BAG2: variants seen among roughly 807,000 people sequenced by gnomAD.
BAG2 encodes BAG family molecular chaperone regulator 2.
Under a neutral mutation model 16.4 loss-of-function variants are expected in BAG2, and 8 were observed. The ratio of observed to expected loss-of-function variants is 0.49; its 90% CI spans 0.29 to 0.88. The LOEUF is 0.88. BAG2 is among the 40% of genes least tolerant of loss of function. The pLI is 0.09. For synonymous variants in BAG2, 82 were observed against 89.2 expected (o/e 0.92, Z 0.46); for missense variants, 218 against 248.9 (o/e 0.88, Z 0.84).
rs565186059 is a variant in BAG2 at position 57,188,507 on chromosome 6, A to T, written c.*4317A>T. ...AGAACTAACTAGAACACATATAACA[A>T]GTGATTTTTCTGCCAATAAAGACAA... On this transcript the variant is annotated 3_prime_UTR_variant, in exon 3 of 3. Transcript: ENST00000370693. 6.6e-6 allele frequency: 1 copy of T among 152,270 alleles called. No individual in the cohort carries two copies. The highest frequency in any genetic ancestry group is 2.1e-4 in the South Asian group (1 of 4,826). 9.4% of individuals were successfully genotyped at this position (152,270 alleles called of 1,614,324 possible). A position where few individuals can be genotyped will look rare whatever the true frequency, so the allele number is the denominator to read the frequency against.
rs762251944 is a variant in BAG2 at position 57,184,002 on chromosome 6, C to CA, written c.448_449insA (p.Pro150HisfsTer3). On this transcript the variant is annotated frameshift_variant, in exon 3 of 3. Transcript: ENST00000370693. LOFTEE classifies it high-confidence loss of function. ...ATGTTCATCTGAGGTGCCACATGGG[C>CA]CAGTTGATCAGAAGTTTCAATCCAT... 9 of 1,612,298 alleles carry CA rather than the reference C, an allele frequency of 5.6e-6. No individual in the cohort carries two copies.
chr6:57,183,519 T>C (rs1473310856), intron 2 of BAG2, among the ~76,000 whole-genome samples: 1 of 152,204 alleles, frequency 6.6e-6, no homozygotes, highest in Admixed American at 6.5e-5. Context: ...TACAAATGCA[T>C]ACCTACCCAA....
chr6:57,172,600 C>T lies in BAG2; in HGVS notation c.-98C>T, dbSNP rs1764152234. 4 of 1,058,420 alleles carry T rather than the reference C, an allele frequency of 3.8e-6. No homozygotes were observed. The Admixed American group carries it at 1.2e-4, about 32-fold the overall frequency. The allele number at this position is 1,058,420 out of a possible 1,614,324, so 65.6% of individuals were successfully genotyped here. ...CGGGCGTCAGAGGGAGGGCGGGCGC[C>T]CGCGTGGTGACGGCGACGCCTGCAG... On this transcript the variant is annotated 5_prime_UTR_variant, in exon 1 of 3. Coordinates refer to ENST00000370693, the MANE Select transcript of BAG2 (RefSeq NM_004282.4).
intron 1 of BAG2, among the ~76,000 whole-genome samples, chr6:57,181,498 C>T (rs565007438): frequency 6.6e-6 from 1 of 152,134 alleles, no homozygotes; most frequent in East Asian, 1.9e-4. Context: ...TTGAGACCAG[C>T]CTGGCCAACA....
chr6:57,176,153 A>C (rs147638492), intron 1 of BAG2, among the ~76,000 whole-genome samples: 48 of 152,308 alleles, frequency 3.2e-4, no homozygotes, highest in African/African-American at 1.2e-3. Flanking sequence ...GCTAATGTTT[A>C]TTCATTTAAT....
intron 1 of BAG2, among the ~76,000 whole-genome samples, chr6:57,177,514 TAATA>T (rs373106236): frequency 2.6e-5 from 4 of 152,222 alleles, no homozygotes; most frequent in Non-Finnish European, 4.4e-5. Context: ...TTTTCATCAT[TAATA>T]AATAAGCCCA....
chr6:57,180,287 C>A (rs1391094772), intron 1 of BAG2, among the ~76,000 whole-genome samples: 2 of 152,088 alleles, frequency 1.3e-5, no homozygotes, highest in Non-Finnish European at 2.9e-5. Context: ...TGTCTAATTT[C>A]TCTTGTTTTT....
chr6:57,172,851 C>T, intron 1 of BAG2, 41 bp downstream of exon 1: 1 of 1,409,896 alleles, frequency 7.1e-7, no homozygotes, highest in Non-Finnish European at 9.3e-7. Context: ...CTGCTCGCCG[C>T]GCGGGCGGTT....
Position 57,182,013 on chromosome 6 carries a change from G to A in BAG2, c.114-19G>A. 1.2e-6 allele frequency: 2 copies of A among 1,607,928 alleles called. No individual in the cohort carries two copies. The highest frequency in any genetic ancestry group is 1.7e-6 in the Non-Finnish European group (2 of 1,175,592). ...ACATCCTGCATACAATAACCGTTTT[G>A]TTTTCCCAATTTCTATAGGGTTGAA... On this transcript the variant is annotated intron_variant, in intron 1 of 2. Transcript: ENST00000370693.
rs1268411514 is a variant in BAG2, at chr6:57,187,370, C to A, written c.*3180C>A. 6.6e-6 allele frequency: 1 copy of A among 152,108 alleles called. No homozygotes were observed. Among genetic ancestry groups the A allele is most frequent in the East Asian group, 1.9e-4 (1 of 5,184 alleles). 9.4% of individuals were successfully genotyped at this position (152,108 alleles called of 1,614,324 possible). ...TAAATATTTTGTTAGCAAATGAATT[C>A]ATCTGTATGATGAGAGACTTACATG... On this transcript the variant is annotated 3_prime_UTR_variant, in exon 3 of 3. Transcript: ENST00000370693.
intron 1 of BAG2, chr6:57,173,148 A>AC (rs533721747): frequency 6.7e-4 from 677 of 1,016,362 alleles, no homozygotes; most frequent in Non-Finnish European, 7.6e-4. Flanking sequence ...GCGATTAAGG[A>AC]CTGTGGCAGC....
At chr6:57,183,552 G>T (rs1286996535) in intron 2 of BAG2, among the ~76,000 whole-genome samples, 1 of 152,156 alleles carries the variant, frequency 6.6e-6, no homozygotes, top group Non-Finnish European at 1.5e-5. Context: ...ATGCCAATTT[G>T]AGAAGTCATC....
In BAG2 at chr6:57,183,866, CCAG is replaced by C; in HGVS notation, c.318_320del (p.Gln107del). On this transcript the variant is annotated inframe_deletion, in exon 3 of 3. Coordinates refer to ENST00000370693, the MANE Select transcript of BAG2 (RefSeq NM_004282.4). ...TGTCAGTAGAAACAATTAGAAACCC[CCAG>C]CAGCAAGAATCCCTAAAGCATGCCA... 6.2e-7 allele frequency: 1 copy of C among 1,613,988 alleles called. No individual in the cohort carries two copies. The highest frequency in any genetic ancestry group is 8.5e-7 in the Non-Finnish European group (1 of 1,179,976).
intron 2 of BAG2, among the ~76,000 whole-genome samples, 175 bp downstream of exon 2, chr6:57,182,316 G>A (rs1764482333): frequency 6.6e-6 from 1 of 152,014 alleles, no homozygotes; most frequent in Non-Finnish European, 1.5e-5. Flanking sequence ...CACTTACTCA[G>A]AGATTTCTTC....
intron 1 of BAG2, chr6:57,174,300 A>G: frequency 1.5e-6 from 2 of 1,303,036 alleles, no homozygotes; most frequent in South Asian, 2.5e-5. Context: ...GCCAGAAAGA[A>G]AAGTTTTCCT....
intron 1 of BAG2, chr6:57,173,691 TA>T (rs1764195428): frequency 7.2e-6 from 2 of 276,960 alleles, no homozygotes; most frequent in Non-Finnish European, 1.1e-5. Flanking sequence ...AGTTACTGTG[TA>T]AATTTTGTGA....
intron 2 of BAG2, among the ~76,000 whole-genome samples, chr6:57,182,521 A>G (rs1035143767): frequency 1.4e-5 from 2 of 147,270 alleles, no homozygotes; most frequent in Non-Finnish European, 3.0e-5. Context: ...GAAGCAGAGA[A>G]GTAGAGACCA....
At chr6:57,174,276 T>C (rs146395076) in intron 1 of BAG2, 147 of 1,296,200 alleles carry the variant, frequency 1.1e-4, no homozygotes, top group Admixed American at 1.4e-4. Context: ...ACCACTTCAT[T>C]CTCCTCTCCC....
chr6:57,188,998 TAAA>T lies in BAG2; in HGVS notation c.*4810_*4812del, dbSNP rs1036725311. ...AAAATGACTTCATGACATTTTCCAA[TAAA>T]AGTTATTTTTACAGATTTTGCAATG... On this transcript the variant is annotated 3_prime_UTR_variant, in exon 3 of 3. Transcript: ENST00000370693. 7.2e-5 allele frequency: 11 copies of T among 152,062 alleles called. No homozygotes were observed. Among genetic ancestry groups the T allele is most frequent in the Non-Finnish European group, 1.5e-5 (1 of 68,006 alleles). The allele number at this position is 152,062 out of a possible 1,614,324, so 9.4% of individuals were successfully genotyped here. A position where few individuals can be genotyped will look rare whatever the true frequency, so the allele number is the denominator to read the frequency against.
Sources: allele counts gnomAD v4.1 joint callset (sites outside exome capture counted in the v4.1 genomes callset), GRCh38; gene constraint gnomAD v4.1.1; transcripts MANE v1.5; gene names NCBI Gene and HGNC (gene_info 2026-07-23, HGNC 2026-07-21).